ZCCHC8: variants seen among roughly 807,000 people sequenced by gnomAD.
ZCCHC8 encodes zinc finger CCHC domain-containing protein 8.
A neutral mutation model predicts 70.6 loss-of-function variants in ZCCHC8; 27 were observed. The observed-to-expected ratio is 0.38, with a 90% CI of 0.28 to 0.53. The LOEUF is 0.53. Among genes scored for constraint, ZCCHC8 ranks in the 20% least tolerant of loss-of-function variants. ZCCHC8 has a pLI of 0.81. For missense variants in ZCCHC8, 737 were observed against 876.9 expected (o/e 0.84, Z 2.01); for synonymous variants, 293 against 317.4 (o/e 0.92, Z 0.82).
chr12:122,482,547 T>A, intron 8 of ZCCHC8, 88 bp downstream of exon 8: 10 of 939,000 alleles, frequency 1.1e-5, no homozygotes, highest in Non-Finnish European at 1.5e-5. Context: ...ACAAAGAAAG[T>A]TCCTTCATGT....
At chr12:122,482,950 TAAC>T (rs1199185769) in intron 7 of ZCCHC8, 6 of 521,908 alleles carry the variant, frequency 1.1e-5, no homozygotes, top group Non-Finnish European at 1.7e-5. Context: ...TTTCAGTGGT[TAAC>T]AACGAAGAAT....
At position 122,472,641 on chromosome 12, in the gene ZCCHC8, G is replaced by A. The variant is rs1593307654; in HGVS notation, c.*856C>T. ...GAGGTCAAGACCAGCCTGACCCGAC[G>A]TGGAGAAACCCCATCTCTACTAAAA... On this transcript the variant is annotated 3_prime_UTR_variant, in exon 14 of 14. Transcript: ENST00000633063. The A allele has an allele frequency of 1.3e-5, 2 of 152,214 alleles. No individual in the cohort carries two copies. The highest frequency in any genetic ancestry group is 2.9e-5 in the Non-Finnish European group (2 of 68,086). The allele number at this position is 152,214 out of a possible 1,614,324, so 9.4% of individuals were successfully genotyped here. A position where few individuals can be genotyped will look rare whatever the true frequency, so the allele number is the denominator to read the frequency against.
chr12:122,489,980 TAA>T (rs201958297), intron 4 of ZCCHC8, among the ~76,000 whole-genome samples: 5 of 135,160 alleles, frequency 3.7e-5, no homozygotes, highest in Non-Finnish European at 8.3e-5. Flanking sequence ...TAATTTTTAA[TAA>T]AAAAAAAAAA....
Position 122,495,847 on chromosome 12 carries a change from C to CAAAAAAAAAAA in ZCCHC8, c.242+2969_242+2979dup, listed in dbSNP as rs538311699. On this transcript the variant is annotated intron_variant, in intron 2 of 13. Transcript: ENST00000633063. ...TGGGCGATAGAGTGACACTCTGTCTCAAAAAAAAAAAAAAAAAAAAAAAAA... is the reference window on the plus strand; with the variant it reads ...TGGGCGATAGAGTGACACTCTGTCTCAAAAAAAAAAAAAAAAAAAAAAAAAAAAAAAAAAAA... Among the ~76,000 whole-genome samples, 4 of 78,318 alleles carry CAAAAAAAAAAA rather than the reference C, an allele frequency of 5.1e-5. No homozygotes were observed. In the East Asian group the frequency reaches 8.3e-4, roughly 16 times the overall value. 51.4% of individuals were successfully genotyped at this position (78,318 alleles called of 152,430 possible). A position where few individuals can be genotyped will look rare whatever the true frequency, so the allele number is the denominator to read the frequency against.
chr12:122,481,467 A>AC (rs1196757238), intron 10 of ZCCHC8, 55 bp downstream of exon 10: 1 of 1,380,912 alleles, frequency 7.2e-7, no homozygotes, highest in African/African-American at 2.2e-5. Context: ...TGATTCTTTA[A>AC]TTAAAAAAAA....
chr12:122,477,680 A>G (rs1290551427), intron 13 of ZCCHC8, among the ~76,000 whole-genome samples, 161 bp downstream of exon 13: 1 of 149,850 alleles, frequency 6.7e-6, no homozygotes, highest in Non-Finnish European at 1.5e-5. Flanking sequence ...AATCCCAACT[A>G]CTCGGGAGGC....
rs568831328 is a variant in ZCCHC8 at position 122,483,760 on chromosome 12, AG to A, written c.502-198del. ...GTCAGTTCCCTCTCTCTGCTAGATC[AG>A]TTTTTCCTCTGTATTGGATCATGAC... On this transcript the variant is annotated intron_variant, in intron 5 of 13. Coordinates refer to ENST00000633063, the MANE Select transcript of ZCCHC8 (RefSeq NM_017612.5). The surrounding 1 kb of genome is among the most constrained non-coding windows in gnomAD (Gnocchi z 4.4). 49 of 567,026 alleles carry A rather than the reference AG, an allele frequency of 8.6e-5. No individual in the cohort carries two copies. The African/African-American group carries it at 9.0e-4, about 10-fold the overall frequency. 35.1% of individuals were successfully genotyped at this position (567,026 alleles called of 1,614,324 possible).
intron 1 of ZCCHC8, 137 bp from the exon 2 acceptor site, chr12:122,499,006 T>C (rs1288405840): frequency 9.9e-6 from 8 of 809,196 alleles, no homozygotes; most frequent in South Asian, 1.6e-5. Flanking sequence ...GACACACTTA[T>C]TGAGCTTCTA....
At chr12:122,498,280 G>A (rs958713970) in intron 2 of ZCCHC8, among the ~76,000 whole-genome samples, 2 of 150,758 alleles carry the variant, frequency 1.3e-5, no homozygotes, top group Non-Finnish European at 2.9e-5. Context: ...GATTACAGGC[G>A]CCCACCACGT....
At chr12:122,494,537 G>A (rs565640705) in intron 2 of ZCCHC8, among the ~76,000 whole-genome samples, 1 of 148,256 alleles carries the variant, frequency 6.7e-6, no homozygotes, top group Non-Finnish European at 1.5e-5. Flanking sequence ...TCCAGCCTGG[G>A]CAACACAGCG....
At chr12:122,494,389 T>TAA (rs60678865) in intron 2 of ZCCHC8, among the ~76,000 whole-genome samples, 2 of 120,290 alleles carry the variant, frequency 1.7e-5, no homozygotes, top group African/African-American at 6.1e-5. Flanking sequence ...CCGTTTCTAC[T>TAA]AAAAAAAAAA....
At position 122,472,963 on chromosome 12, in the gene ZCCHC8, A is replaced by C. The variant is rs2137314424; in HGVS notation, c.*534T>G. Reference sequence around the variant, plus strand: ...GAACATACCTGTATAGCAAGCATATATGAAGGATGAAGTTACAAAAAAGTA... The same window carrying C: ...GAACATACCTGTATAGCAAGCATATCTGAAGGATGAAGTTACAAAAAAGTA... On this transcript the variant is annotated 3_prime_UTR_variant, in exon 14 of 14. Coordinates refer to ENST00000633063, the MANE Select transcript of ZCCHC8 (RefSeq NM_017612.5). 1 of 154,302 alleles carries C rather than the reference A, an allele frequency of 6.5e-6. No homozygotes were observed. The highest frequency in any genetic ancestry group is 3.4e-3 in the Middle Eastern group (1 of 294). 9.6% of individuals were successfully genotyped at this position (154,302 alleles called of 1,614,324 possible).
chr12:122,498,253 G>A (rs889028768), intron 2 of ZCCHC8, among the ~76,000 whole-genome samples: 1 of 146,438 alleles, frequency 6.8e-6, no homozygotes, highest in African/African-American at 2.5e-5. Flanking sequence ...TCCTGCCTTA[G>A]CCTCCCAAGT....
chr12:122,488,035 A>T (rs1223054990), intron 5 of ZCCHC8, among the ~76,000 whole-genome samples: 1 of 141,418 alleles, frequency 7.1e-6, no homozygotes, highest in East Asian at 2.0e-4. Flanking sequence ...CACTTGGCTA[A>T]TTTTTTTTTT....
At position 122,473,474 on chromosome 12, in the gene ZCCHC8, GC is replaced by G. The variant is rs750485545; in HGVS notation, c.*22del. 2.1e-5 allele frequency: 34 copies of G among 1,603,186 alleles called. No individual in the cohort carries two copies. Among genetic ancestry groups the G allele is most frequent in the African/African-American group, 2.0e-4 (15 of 74,224 alleles). ...ATTAACGGAACAAAGTTATTAAATA[GC>G]TCTCAGTGCTAAGTCAAGCCATTAT... On this transcript the variant is annotated 3_prime_UTR_variant, in exon 14 of 14. Transcript: ENST00000633063.
chr12:122,498,363 A>T (rs1014709577), intron 2 of ZCCHC8, among the ~76,000 whole-genome samples: 2 of 151,982 alleles, frequency 1.3e-5, no homozygotes, highest in Admixed American at 6.6e-5. Flanking sequence ...AACTGACCTC[A>T]GTTGATCCGC....
intron 3 of ZCCHC8, chr12:122,492,229 T>C (rs1957759957): frequency 1.8e-5 from 3 of 167,856 alleles, no homozygotes; most frequent in South Asian, 3.2e-4. Context: ...ACCCTGATGC[T>C]GATGGTTTGC....
Position 122,474,187 on chromosome 12 carries a change from T to TC in ZCCHC8, c.1433dup (p.Thr479AsnfsTer21), listed in dbSNP as rs1957370869. 6.6e-7 allele frequency: 1 copy of TC among 1,511,658 alleles called. No homozygotes were observed. Among genetic ancestry groups the TC allele is most frequent in the African/African-American group, 1.4e-5 (1 of 70,914 alleles). The allele number at this position is 1,511,658 out of a possible 1,614,324, so 93.6% of individuals were successfully genotyped here. ...GAGGGGTGAAGACGGGTGGAGGAGT[T>TC]CCCCGGGGGAGTGGAGGAGTGTCAG... On this transcript the variant is annotated frameshift_variant, in exon 14 of 14. Coordinates refer to ENST00000633063, the MANE Select transcript of ZCCHC8 (RefSeq NM_017612.5). LOFTEE classifies it low-confidence loss of function (END_TRUNC).
rs796458099 is a variant in ZCCHC8, at chr12:122,478,640, G to A, written c.1141-348C>T. 41 of 198,268 alleles carry A rather than the reference G, an allele frequency of 2.1e-4. 1 individual carries two copies. Among genetic ancestry groups the A allele is most frequent in the African/African-American group, 9.4e-4 (40 of 42,534 alleles). The allele number at this position is 198,268 out of a possible 1,614,324, so 12.3% of individuals were successfully genotyped here. ...GGCACTGCTAACAGGGCCATTCATC[G>A]CCCAATTCTCCTAACACACTTACTC... On this transcript the variant is annotated intron_variant, in intron 11 of 13. Coordinates refer to ENST00000633063, the MANE Select transcript of ZCCHC8 (RefSeq NM_017612.5).
Sources: gnomAD v4.1 joint callset for allele counts (sites outside exome capture counted in the v4.1 genomes callset) on GRCh38, gnomAD v4.1.1 for gene constraint, Gnocchi (gnomAD v3.1) non-coding constraint, MANE v1.5 for transcripts, NCBI Gene and HGNC (gene_info 2026-07-23, HGNC 2026-07-21) for gene names.